Variants in RASSF9 observed in about 807,000 individuals in gnomAD.
The protein encoded by RASSF9 is Ras association domain family member 9.
In RASSF9, 18 loss-of-function variants were observed where a neutral mutation model predicts 21.4. That is an observed-to-expected ratio of 0.84 (90% CI 0.58 to 1.25). The LOEUF (loss-of-function observed/expected upper bound fraction) is 1.25, where lower values mean the gene tolerates loss of function less well. Among genes scored for constraint, RASSF9 ranks in the 50% most tolerant of loss-of-function variants. RASSF9 has a pLI of 0.00. For synonymous variants in RASSF9, 183 were observed against 179.1 expected, an observed-to-expected ratio of 1.02 and a Z score of -0.18; for missense variants, 480 against 503.2, an observed-to-expected ratio of 0.95 and a Z score of 0.44.
chr12:85,816,174 G>A (rs1483924706), intron 1 of RASSF9, among the ~76,000 whole-genome samples: 2 of 151,996 alleles, frequency 1.3e-5, no homozygotes, highest in African/African-American at 2.4e-5. Flanking sequence ...AGTGGGAGGA[G>A]GGAGAGGTTC....
chr12:85,833,703 T>A (rs1299087312), intron 1 of RASSF9, among the ~76,000 whole-genome samples: 1 of 152,012 alleles, frequency 6.6e-6, no homozygotes, highest in Admixed American at 6.6e-5. Flanking sequence ...TTCCTGCTGA[T>A]AAAGATGCAA....
chr12:85,819,415 A>G (rs1038126492), intron 1 of RASSF9, among the ~76,000 whole-genome samples: 1 of 152,166 alleles, frequency 6.6e-6, no homozygotes, highest in Non-Finnish European at 1.5e-5. Flanking sequence ...ACGAAAATTT[A>G]AAATGACCTA....
chr12:85,825,862 A>G (rs1880322750), intron 1 of RASSF9, among the ~76,000 whole-genome samples: 1 of 152,062 alleles, frequency 6.6e-6, no homozygotes, highest in Admixed American at 6.6e-5. Flanking sequence ...AGCAATTTCA[A>G]CCAAAGGTAA....
At chr12:85,814,508 C>G (rs1056738635) in intron 1 of RASSF9, among the ~76,000 whole-genome samples, 2 of 151,994 alleles carry the variant, frequency 1.3e-5, no homozygotes, top group Non-Finnish European at 2.9e-5. Flanking sequence ...TTCATCATAG[C>G]TCCCCTTGTA....
At chr12:85,829,031 C>A (rs1436068223) in intron 1 of RASSF9, among the ~76,000 whole-genome samples, 1 of 152,100 alleles carries the variant, frequency 6.6e-6, no homozygotes, top group Non-Finnish European at 1.5e-5. Context: ...AAAACAAACG[C>A]TCTTCTACTG....
At chr12:85,812,179 C>T (rs1199860927) in intron 1 of RASSF9, among the ~76,000 whole-genome samples, 1 of 151,650 alleles carries the variant, frequency 6.6e-6, no homozygotes, top group Non-Finnish European at 1.5e-5. Flanking sequence ...CTATTATATG[C>T]ACATATTATG....
chr12:85,801,417 CA>C lies in RASSF9; in HGVS notation c.*3284del, dbSNP rs1347638992. The C allele has an allele frequency of 6.6e-6, 1 of 152,064 alleles. No homozygotes were observed. Among genetic ancestry groups the C allele is most frequent in the Non-Finnish European group, 1.5e-5 (1 of 68,022 alleles). The allele number at this position is 152,064 out of a possible 1,614,324, so 9.4% of individuals were successfully genotyped here. On this transcript the variant is annotated 3_prime_UTR_variant, in exon 2 of 2. Coordinates refer to ENST00000361228, the MANE Select transcript of RASSF9 (RefSeq NM_005447.4). The stretch of plus-strand genomic sequence containing the variant: ...CACACACACACACACACAAAAGCTA[CA>C]AACCTCTAAAATTTAGCCACTCAAT...
At chr12:85,823,759 C>T (rs1392442113) in intron 1 of RASSF9, among the ~76,000 whole-genome samples, 10 of 152,156 alleles carry the variant, frequency 6.6e-5, no homozygotes, top group Non-Finnish European at 1.5e-5. Flanking sequence ...AAGAGGCAAA[C>T]CATCGAAATC....
chr12:85,820,476 A>C (rs1880182307), intron 1 of RASSF9, among the ~76,000 whole-genome samples: 1 of 152,188 alleles, frequency 6.6e-6, no homozygotes, highest in Non-Finnish European at 1.5e-5. Context: ...AGTATGTACA[A>C]TTTTCTAAAT....
At chr12:85,814,277 C>A (rs1034825129) in intron 1 of RASSF9, among the ~76,000 whole-genome samples, 4 of 152,030 alleles carry the variant, frequency 2.6e-5, no homozygotes, top group African/African-American at 9.7e-5. Context: ...AGATATGTGA[C>A]AATGTGTAGA....
intron 1 of RASSF9, among the ~76,000 whole-genome samples, chr12:85,806,838 C>T (rs569495361): frequency 9.9e-4 from 151 of 151,870 alleles, no homozygotes; most frequent in Non-Finnish European, 1.5e-3. Flanking sequence ...GCATAGGTAG[C>T]GATAGTGAAA....
chr12:85,817,145 T>A (rs188513972), intron 1 of RASSF9, among the ~76,000 whole-genome samples: 29 of 152,192 alleles, frequency 1.9e-4, no homozygotes, highest in Admixed American at 5.9e-4. Context: ...AAAGAACAAG[T>A]TTACTAAATT....
At position 85,826,455 on chromosome 12, in the gene RASSF9, T is replaced by TTG. The variant is rs1336813285; in HGVS notation, c.47+9699_47+9700insCA. Among the ~76,000 whole-genome samples the TTG allele has an allele frequency of 3.5e-4, 53 of 151,494 alleles. No homozygotes were observed. In the East Asian group the frequency reaches 8.9e-3, roughly 25 times the overall value. On this transcript the variant is annotated intron_variant, in intron 1 of 1. Transcript: ENST00000361228. ...TCTCCATTCCTTCCAATATTTTTTT[T>TTG]TTTTTTTTTTGAGGCAGAATCTCGC...
chr12:85,815,936 T>C (rs1426127702), intron 1 of RASSF9, among the ~76,000 whole-genome samples: 1 of 152,022 alleles, frequency 6.6e-6, no homozygotes, highest in East Asian at 1.9e-4. Context: ...GCAGACTGGA[T>C]AAAGAAAATG....
intron 1 of RASSF9, among the ~76,000 whole-genome samples, chr12:85,826,371 T>C (rs939370132): frequency 6.6e-6 from 1 of 152,184 alleles, no homozygotes; most frequent in Non-Finnish European, 1.5e-5. Flanking sequence ...TGAATCATTC[T>C]TCTCTTTCTA....
At chr12:85,806,598 A>C (rs1879840024) in intron 1 of RASSF9, among the ~76,000 whole-genome samples, 1 of 138,862 alleles carries the variant, frequency 7.2e-6, no homozygotes. Context: ...GCTTTAATCC[A>C]GGAGGCGGTG....
At chr12:85,822,896 C>T (rs533658997) in intron 1 of RASSF9, among the ~76,000 whole-genome samples, 42 of 152,238 alleles carry the variant, frequency 2.8e-4, no homozygotes, top group Non-Finnish European at 5.1e-4. Flanking sequence ...AACTCCTCAG[C>T]CCACCACAAA....
intron 1 of RASSF9, among the ~76,000 whole-genome samples, chr12:85,821,074 G>A (rs955733938): frequency 6.6e-6 from 1 of 151,986 alleles, no homozygotes; most frequent in Non-Finnish European, 1.5e-5. Flanking sequence ...AACCCGGGAG[G>A]TAGACGTTGC....
At chr12:85,833,215 C>T (rs2405628) in intron 1 of RASSF9, among the ~76,000 whole-genome samples, 27,043 of 151,644 alleles carry the variant, frequency 0.18, 3,092 homozygotes, top group East Asian at 0.61. Context: ...AAAAAGTATT[C>T]ACTTTTATAT....
Sources: gnomAD v4.1 joint callset for allele counts (sites outside exome capture counted in the v4.1 genomes callset) on GRCh38, gnomAD v4.1.1 for gene constraint, MANE v1.5 for transcripts, NCBI Gene and HGNC (gene_info 2026-07-23, HGNC 2026-07-21) for gene names.